OR2L13: variants seen among roughly 807,000 people sequenced by gnomAD.
OR2L13 encodes olfactory receptor family 2 subfamily L member 13, also known as olfactory receptor 2L13.
Under a neutral mutation model 15.3 loss-of-function variants are expected in OR2L13, and 14 were observed. That is an observed-to-expected ratio of 0.91 (90% CI 0.60 to 1.43). The LOEUF (loss-of-function observed/expected upper bound fraction) is 1.43. Among genes scored for constraint, OR2L13 ranks in the 40% most tolerant of loss-of-function variants. The pLI is 0.00. For missense variants in OR2L13, 367 were observed against 387.9 expected (o/e 0.95, Z 0.45); for synonymous variants, 152 against 142.9 (o/e 1.06, Z -0.45).
the OR2L13 span, chr1:248,004,165 A>G: frequency 9.8e-7 from 1 of 1,020,788 alleles, no homozygotes; most frequent in East Asian, 2.6e-5. Context: ...GTTCAGGAGC[A>G]AAAAGTAATC....
chr1:248,022,138 A>C, the OR2L13 span: 1 of 1,613,854 alleles, frequency 6.2e-7, no homozygotes, highest in Non-Finnish European at 8.5e-7. Flanking sequence ...CTGCTTAGTC[A>C]GCTCTCCCTC....
the OR2L13 span, among the ~76,000 whole-genome samples, chr1:248,056,380 C>A: frequency 6.6e-6 from 1 of 151,770 alleles, no homozygotes; most frequent in African/African-American, 2.4e-5. Context: ...TTGGTTATTT[C>A]TTGTGTTCTG....
chr1:248,042,921 A>G, the OR2L13 span, among the ~76,000 whole-genome samples: 1 of 152,236 alleles, frequency 6.6e-6, no homozygotes, highest in African/African-American at 2.4e-5. Context: ...TCGTAATTAA[A>G]CAGAAAATAT....
At chr1:248,080,210 A>T in the OR2L13 span, among the ~76,000 whole-genome samples, 3 of 152,200 alleles carry the variant, frequency 2.0e-5, no homozygotes, top group African/African-American at 7.2e-5. Flanking sequence ...ATAAATCTGT[A>T]TTAATGTAAA....
chr1:247,971,344 G>T, the OR2L13 span, among the ~76,000 whole-genome samples: 1 of 152,132 alleles, frequency 6.6e-6, no homozygotes, highest in African/African-American at 2.4e-5. Context: ...TTTGGAAGTA[G>T]TGGCACCTAG....
At chr1:247,950,822 G>A in the OR2L13 span, among the ~76,000 whole-genome samples, 11 of 152,096 alleles carry the variant, frequency 7.2e-5, no homozygotes, top group African/African-American at 2.4e-4. Flanking sequence ...GCACGAATAA[G>A]AGCCAGTATG....
At chr1:248,063,771 GTGAAGTA>G in the OR2L13 span, among the ~76,000 whole-genome samples, 38 of 146,982 alleles carry the variant, frequency 2.6e-4, no homozygotes, top group Non-Finnish European at 4.0e-4. Flanking sequence ...CTGTGGTGCT[GTGAAGTA>G]TTACAAGATG....
the OR2L13 span, among the ~76,000 whole-genome samples, chr1:248,072,780 GA>G: frequency 1.8e-3 from 264 of 145,062 alleles, 2 homozygotes; most frequent in Admixed American, 3.8e-3. Flanking sequence ...AAATTTACAA[GA>G]AAAAAAAAAC....
chr1:248,007,152 C>T, the OR2L13 span, among the ~76,000 whole-genome samples: 1 of 152,268 alleles, frequency 6.6e-6, no homozygotes, highest in Middle Eastern at 3.4e-3. Flanking sequence ...TCGGGGAAAT[C>T]ATTCCATCTC....
the OR2L13 span, chr1:248,022,647 A>G: frequency 6.8e-6 from 11 of 1,613,846 alleles, no homozygotes; most frequent in East Asian, 4.5e-5. Flanking sequence ...AGAAGGGAGG[A>G]AAAAGGCCTA....
At chr1:248,056,780 T>C in the OR2L13 span, among the ~76,000 whole-genome samples, 38 of 151,098 alleles carry the variant, frequency 2.5e-4, no homozygotes, top group Non-Finnish European at 4.0e-4. Context: ...CTTGAGTAGC[T>C]GGGACTGCTG....
At chr1:248,019,654 C>T in the OR2L13 span, among the ~76,000 whole-genome samples, 3 of 152,154 alleles carry the variant, frequency 2.0e-5, no homozygotes, top group Non-Finnish European at 2.9e-5. Flanking sequence ...AACTCAGTTT[C>T]GTTTCCAAAA....
the OR2L13 span, chr1:247,996,971 A>G: frequency 7.9e-5 from 12 of 152,318 alleles, no homozygotes; most frequent in Admixed American, 6.5e-4. Flanking sequence ...ATCATTATAC[A>G]GCATATACGT....
the OR2L13 span, among the ~76,000 whole-genome samples, chr1:248,037,781 T>C: frequency 6.6e-6 from 1 of 152,188 alleles, no homozygotes; most frequent in African/African-American, 2.4e-5. Flanking sequence ...TCAAATGCGG[T>C]CTGAAAATAT....
chr1:248,079,429 G>T, the OR2L13 span, among the ~76,000 whole-genome samples: 1 of 151,994 alleles, frequency 6.6e-6, no homozygotes, highest in East Asian at 1.9e-4. Context: ...AGCATTTTTT[G>T]TGTGTGAAAT....
the OR2L13 span, among the ~76,000 whole-genome samples, chr1:247,960,314 G>A: frequency 6.6e-6 from 1 of 152,198 alleles, no homozygotes; most frequent in Non-Finnish European, 1.5e-5. Flanking sequence ...TTGTCTCAGA[G>A]GAGTACCAGG....
chr1:248,094,506 T>C (rs1664673458), upstream of OR2L13, among the ~76,000 whole-genome samples: 1 of 152,220 alleles, frequency 6.6e-6, no homozygotes, highest in Non-Finnish European at 1.5e-5. Context: ...TAAAGATTAG[T>C]AACAGGCTGA....
rs183461890 is a variant in OR2L13, at chr1:248,097,854, G to A, written c.-144+502G>A. The stretch of plus-strand genomic sequence containing the variant: ...ACATGTTGGGCATCCCCTAAGGCCT[G>A]GGCACATCAGGACAGTTGGTCGCCC... On this transcript the variant is annotated intron_variant, in intron 1 of 2. Coordinates refer to ENST00000641714, the Ensembl canonical transcript of OR2L13. 8.9e-4 allele frequency among the ~76,000 whole-genome samples: 135 copies of A among 152,276 alleles called. 1 individual carries two copies. Among genetic ancestry groups the A allele is most frequent in the African/African-American group, 3.2e-3 (134 of 41,560 alleles).
the OR2L13 span, among the ~76,000 whole-genome samples, chr1:247,966,681 G>A: frequency 4.6e-5 from 7 of 152,150 alleles, no homozygotes; most frequent in Admixed American, 3.3e-4. Context: ...GTGTGACACT[G>A]TTACAGACAC....
Sources: gnomAD v4.1 joint callset for allele counts (sites outside exome capture counted in the v4.1 genomes callset) on GRCh38, gnomAD v4.1.1 for gene constraint, MANE v1.5 for transcripts, NCBI Gene and HGNC (gene_info 2026-07-23, HGNC 2026-07-21) for gene names.